The following CCDC150 variants were observed in gnomAD, a reference collection of about 807,000 sequenced individuals.
CCDC150 encodes coiled-coil domain-containing protein 150.
Under a neutral mutation model 156.5 loss-of-function variants are expected in CCDC150, and 151 were observed. The observed-to-expected ratio is 0.97, with a 90% CI of 0.85 to 1.10. CCDC150 has a LOEUF of 1.10. Ranked by LOEUF, CCDC150 falls within the 50% of genes least tolerant of loss-of-function variation. CCDC150 has a pLI of 0.00. For missense variants in CCDC150, 1,312 were observed against 1,268.1 expected, an observed-to-expected ratio of 1.03 and a Z score of -0.53; for synonymous variants, 452 against 429.4, an observed-to-expected ratio of 1.05 and a Z score of -0.65.
At chr2:196,643,399 C>T (rs1000905695) in intron 1 of CCDC150, among the ~76,000 whole-genome samples, 3 of 151,798 alleles carry the variant, frequency 2.0e-5, no homozygotes, top group Admixed American at 6.6e-5. Flanking sequence ...ATTCCTACCG[C>T]GACATGTTGG....
intron 13 of CCDC150, among the ~76,000 whole-genome samples, chr2:196,682,385 A>C (rs1014858761): frequency 1.3e-5 from 2 of 151,418 alleles, no homozygotes; most frequent in Non-Finnish European, 2.9e-5. Flanking sequence ...TTGACGTCTA[A>C]ATGTGAATCT....
At chr2:196,721,845 C>A (rs1697935870) in intron 21 of CCDC150, among the ~76,000 whole-genome samples, 154 bp downstream of exon 21, 1 of 152,194 alleles carries the variant, frequency 6.6e-6, no homozygotes, top group Non-Finnish European at 1.5e-5. Flanking sequence ...ACCAGGCATA[C>A]CTGAGCACCA....
chr2:196,672,548 C>T (rs970622379), intron 9 of CCDC150, 111 bp downstream of exon 9: 12 of 513,950 alleles, frequency 2.3e-5, no homozygotes, highest in African/African-American at 2.0e-4. Context: ...TCTCCATCAC[C>T]CAACTTTTCA....
At chr2:196,669,307 G>A (rs1389920153) in intron 7 of CCDC150, among the ~76,000 whole-genome samples, 2 of 152,086 alleles carry the variant, frequency 1.3e-5, no homozygotes, top group Non-Finnish European at 2.9e-5. Context: ...TAGCTGAAGA[G>A]TCCACTGTTT....
At chr2:196,713,452 G>C (rs577551949) in intron 17 of CCDC150, 3 of 1,550,776 alleles carry the variant, frequency 1.9e-6, no homozygotes, top group Admixed American at 3.9e-5. Flanking sequence ...AGGAAAGAAC[G>C]TCATCAGTTG....
chr2:196,729,144 C>T, intron 22 of CCDC150, 49 bp from the exon 23 acceptor site: 1 of 1,482,020 alleles, frequency 6.7e-7, no homozygotes. Context: ...AAGTAAGCTT[C>T]TCTTAATGGA....
intron 22 of CCDC150, chr2:196,727,686 G>A (rs891381909): frequency 1.2e-4 from 18 of 152,154 alleles, no homozygotes; most frequent in African/African-American, 4.3e-4. Flanking sequence ...TGTGCTAAAT[G>A]TAGAAATGTA....
intron 15 of CCDC150, among the ~76,000 whole-genome samples, chr2:196,703,300 G>C (rs1020267268): frequency 6.6e-6 from 1 of 152,176 alleles, no homozygotes; most frequent in Non-Finnish European, 1.5e-5. Context: ...CTAAAAGGTA[G>C]TCGATAAGCC....
At chr2:196,652,813 C>T (rs760395224) in intron 2 of CCDC150, among the ~76,000 whole-genome samples, 1 of 152,248 alleles carries the variant, frequency 6.6e-6, no homozygotes, top group Non-Finnish European at 1.5e-5. Context: ...TCTCATGCAT[C>T]CTCTGAAATC....
chr2:196,681,477 T>C (rs548184315), intron 13 of CCDC150, among the ~76,000 whole-genome samples: 41 of 152,302 alleles, frequency 2.7e-4, no homozygotes, highest in African/African-American at 9.9e-4. Context: ...TTTTCAATTC[T>C]TTGTGATATA....
At chr2:196,683,096 T>C (rs1468660330) in intron 13 of CCDC150, among the ~76,000 whole-genome samples, 2 of 152,134 alleles carry the variant, frequency 1.3e-5, no homozygotes, top group African/African-American at 4.8e-5. Context: ...GTCTTGTTTC[T>C]GATCTTCGGG....
At chr2:196,674,891 G>A (rs1694405887) in intron 10 of CCDC150, among the ~76,000 whole-genome samples, 1 of 152,060 alleles carries the variant, frequency 6.6e-6, no homozygotes, top group Non-Finnish European at 1.5e-5. Flanking sequence ...TATATACTAA[G>A]CATTGTGCTA....
intron 15 of CCDC150, among the ~76,000 whole-genome samples, chr2:196,703,963 G>A (rs1696415258): frequency 6.6e-6 from 1 of 152,162 alleles, no homozygotes; most frequent in African/African-American, 2.4e-5. Flanking sequence ...GTGCTTTTAT[G>A]TCAGGTCTTG....
intron 2 of CCDC150, among the ~76,000 whole-genome samples, chr2:196,647,469 AT>A (rs1692615843): frequency 6.6e-6 from 1 of 152,118 alleles, no homozygotes; most frequent in South Asian, 2.1e-4. Flanking sequence ...TTTATGAAAA[AT>A]CCATATTAAA....
chr2:196,701,843 G>T (rs1696232737), intron 15 of CCDC150, among the ~76,000 whole-genome samples: 2 of 152,196 alleles, frequency 1.3e-5, no homozygotes, highest in African/African-American at 2.4e-5. Flanking sequence ...GCAAATAAAA[G>T]AATATTAATG....
Position 196,646,371 on chromosome 2 carries a change from G to A in CCDC150, c.43G>A (p.Val15Ile), listed in dbSNP as rs372552459. The A allele has an allele frequency of 8.1e-6, 13 of 1,613,680 alleles. No individual in the cohort carries two copies. The highest frequency in any genetic ancestry group is 1.6e-4 in the Middle Eastern group (1 of 6,084). ...TATGGAAACTACAGTGTCCAGACCG[G>A]TCCTTTCTCCAACCCACATCAACGC... ...VHMETTVSRP[V>I]LSPTHINATA... Residue 15 changes from valine to isoleucine, a missense_variant, in exon 2 of 28, where the codon GTC (valine) becomes ATC (isoleucine). By Grantham distance (29) the Val-to-Ile change is conservative. Coordinates refer to ENST00000389175, the MANE Select transcript of CCDC150 (RefSeq NM_001080539.2).
At chr2:196,694,905 G>A in intron 13 of CCDC150, 141 bp from the exon 14 acceptor site, 1 of 500,378 alleles carries the variant, frequency 2.0e-6, no homozygotes, top group South Asian at 3.3e-5. Context: ...CAGACTGACT[G>A]GTCATATTTC....
intron 13 of CCDC150, among the ~76,000 whole-genome samples, chr2:196,687,552 T>C (rs1695190742): frequency 6.6e-6 from 1 of 152,226 alleles, no homozygotes; most frequent in South Asian, 2.1e-4. Flanking sequence ...GTAGACTGTC[T>C]GTTTACTCTG....
At chr2:196,678,728 C>T (rs1163414033) in intron 13 of CCDC150, among the ~76,000 whole-genome samples, 1 of 152,060 alleles carries the variant, frequency 6.6e-6, no homozygotes, top group Non-Finnish European at 1.5e-5. Flanking sequence ...CAAGGCAAAA[C>T]CCTGTCTCTA....
Sources: allele counts gnomAD v4.1 joint callset (sites outside exome capture counted in the v4.1 genomes callset), GRCh38; gene constraint gnomAD v4.1.1; transcripts MANE v1.5; gene names NCBI Gene and HGNC (gene_info 2026-07-23, HGNC 2026-07-21).